KLRG1: variants seen among roughly 807,000 people sequenced by gnomAD.
KLRG1 encodes killer cell lectin like receptor G1, also known as killer cell lectin-like receptor subfamily G member 1.
Under a neutral mutation model 21.8 loss-of-function variants are expected in KLRG1, and 16 were observed. The ratio of observed to expected loss-of-function variants is 0.73; its 90% CI spans 0.50 to 1.11. The LOEUF (loss-of-function observed/expected upper bound fraction) is 1.11. Among genes scored for constraint, KLRG1 ranks in the 50% most tolerant of loss-of-function variants. The probability of loss-of-function intolerance (pLI) is 0.00; values close to 1 mark genes in which losing one functional copy is unlikely to be tolerated. For synonymous variants in KLRG1, 69 were observed against 75.9 expected, an observed-to-expected ratio of 0.91 and a Z score of 0.47; for missense variants, 173 against 218.3, an observed-to-expected ratio of 0.79 and a Z score of 1.31.
the KLRG1 span, among the ~76,000 whole-genome samples, chr12:9,033,104 A>G: frequency 2.6e-5 from 4 of 152,144 alleles, no homozygotes; most frequent in Non-Finnish European, 5.9e-5. Flanking sequence ...TGATTACATG[A>G]TTGCAGAGAC....
At chr12:9,090,916 A>C in the KLRG1 span, among the ~76,000 whole-genome samples, 1 of 152,220 alleles carries the variant, frequency 6.6e-6, no homozygotes, top group Non-Finnish European at 1.5e-5. Flanking sequence ...GAGATCGTAG[A>C]GGTTGAAACC....
intron 1 of KLRG1, among the ~76,000 whole-genome samples, chr12:8,958,321 C>T (rs753084661): frequency 8.0e-4 from 121 of 151,916 alleles, no homozygotes; most frequent in Non-Finnish European, 9.7e-4. Context: ...CTCTTAATTG[C>T]GTCAGAGCTT....
chr12:9,163,614 G>T, the KLRG1 span: 3 of 1,591,132 alleles, frequency 1.9e-6, no homozygotes, highest in South Asian at 3.4e-5. Context: ...TCTCAAGAGT[G>T]ACCGCCCGGT....
At chr12:9,089,854 C>T in the KLRG1 span, 3 of 1,229,538 alleles carry the variant, frequency 2.4e-6, no homozygotes, top group Non-Finnish European at 3.4e-6. Context: ...ATATTACCCA[C>T]ATATATTATA....
At chr12:9,140,688 C>G in the KLRG1 span, among the ~76,000 whole-genome samples, 1 of 152,118 alleles carries the variant, frequency 6.6e-6, no homozygotes, top group Non-Finnish European at 1.5e-5. Context: ...CATTAAATAC[C>G]TATGAGTTGG....
At chr12:9,072,208 A>G in the KLRG1 span, 6 of 902,432 alleles carry the variant, frequency 6.6e-6, no homozygotes, top group Non-Finnish European at 9.9e-6. Flanking sequence ...AAACCCCATC[A>G]TTGAGAAATT....
intron 3 of KLRG1, among the ~76,000 whole-genome samples, chr12:8,999,981 G>T (rs951631142): frequency 6.6e-6 from 1 of 152,130 alleles, no homozygotes; most frequent in Non-Finnish European, 1.5e-5. Context: ...GTCTCAGTGA[G>T]CCGAGATCAG....
the KLRG1 span, among the ~76,000 whole-genome samples, chr12:9,030,981 G>T: frequency 6.6e-6 from 1 of 152,256 alleles, no homozygotes; most frequent in African/African-American, 2.4e-5. Context: ...TCTCCCGGCA[G>T]GGGGTAGTGA....
the KLRG1 span, chr12:9,200,784 T>TGA: frequency 8.5e-7 from 1 of 1,171,788 alleles, no homozygotes. Flanking sequence ...GCAGTAAGTC[T>TGA]GACTCTACTG....
chr12:9,106,372 T>G, the KLRG1 span: 1 of 1,539,690 alleles, frequency 6.5e-7, no homozygotes, highest in South Asian at 1.1e-5. Context: ...AAATCTGTTA[T>G]TTTTGGGAAG....
the KLRG1 span, among the ~76,000 whole-genome samples, chr12:9,032,743 T>C: frequency 6.6e-6 from 1 of 152,182 alleles, no homozygotes; most frequent in Non-Finnish European, 1.5e-5. Context: ...TTGAGATTTT[T>C]TTCAGACTGT....
At chr12:9,007,986 ACTT>A (rs1947520404) in intron 3 of KLRG1, among the ~76,000 whole-genome samples, 1 of 152,120 alleles carries the variant, frequency 6.6e-6, no homozygotes, top group South Asian at 2.1e-4. Flanking sequence ...TTGGATATAA[ACTT>A]CTTCATTTGA....
the KLRG1 span, among the ~76,000 whole-genome samples, chr12:9,155,394 A>C: frequency 6.6e-6 from 1 of 152,246 alleles, no homozygotes; most frequent in Non-Finnish European, 1.5e-5. Flanking sequence ...TGTATAAGGC[A>C]CCACTTCAAA....
chr12:8,966,354 A>C (rs1433263106), intron 1 of KLRG1, among the ~76,000 whole-genome samples: 3 of 152,128 alleles, frequency 2.0e-5, no homozygotes, highest in South Asian at 2.1e-4. Context: ...TAATTAAACT[A>C]AAGAGCTTCT....
chr12:9,105,056 A>G, the KLRG1 span, among the ~76,000 whole-genome samples: 30 of 152,234 alleles, frequency 2.0e-4, no homozygotes, highest in Admixed American at 1.8e-3. Flanking sequence ...AGAGGCACAC[A>G]GTATTAAATA....
chr12:8,954,456 T>C (rs768521458), intron 1 of KLRG1, among the ~76,000 whole-genome samples: 2 of 151,996 alleles, frequency 1.3e-5, no homozygotes, highest in African/African-American at 4.8e-5. Flanking sequence ...ATGATGAATA[T>C]GTTAATTTGC....
the KLRG1 span, among the ~76,000 whole-genome samples, chr12:9,199,944 A>T: frequency 6.6e-6 from 1 of 152,196 alleles, no homozygotes; most frequent in Non-Finnish European, 1.5e-5. Context: ...GCTTTATGAG[A>T]CCATTTTTAG....
intron 1 of KLRG1, among the ~76,000 whole-genome samples, chr12:8,966,894 A>G (rs1425341455): frequency 1.3e-5 from 2 of 150,106 alleles, no homozygotes; most frequent in Non-Finnish European, 3.0e-5. Flanking sequence ...ACTTATGTTT[A>G]TTGCGGCATT....
chr12:9,051,167 A>G, the KLRG1 span, among the ~76,000 whole-genome samples: 1 of 152,214 alleles, frequency 6.6e-6, no homozygotes, highest in African/African-American at 2.4e-5. Flanking sequence ...CAGCCAGAAC[A>G]AGATAGGATG....
Sources: gnomAD v4.1 joint callset for allele counts (sites outside exome capture counted in the v4.1 genomes callset) on GRCh38, gnomAD v4.1.1 for gene constraint, MANE v1.5 for transcripts, NCBI Gene and HGNC (gene_info 2026-07-23, HGNC 2026-07-21) for gene names.